The following CSMD1 variants were observed in gnomAD, a reference collection of about 807,000 sequenced individuals.
The protein encoded by CSMD1 is CUB and sushi domain-containing protein 1.
In CSMD1, 213 loss-of-function variants were observed where a neutral mutation model predicts 417.5. The ratio of observed to expected loss-of-function variants is 0.51; its 90% confidence interval spans 0.46 to 0.57. CSMD1 has a LOEUF of 0.57. CSMD1 is among the 20% of genes least tolerant of loss of function. The probability of loss-of-function intolerance (pLI) is 0.00; values close to 1 mark genes in which losing one functional copy is unlikely to be tolerated. For synonymous variants in CSMD1, 2,862 were observed against 1,736.8 expected, an observed-to-expected ratio of 1.65 and a Z score of -16.11; for missense variants, 6,923 against 4,529.7, an observed-to-expected ratio of 1.53 and a Z score of -15.17.
Position 3,308,490 on chromosome 8 carries a change from T to C in CSMD1, c.3645A>G (p.Val1215=), listed in dbSNP as rs752730776. 2 of 1,612,122 alleles carry C rather than the reference T, an allele frequency of 1.2e-6. No individual in the cohort carries two copies. Among genetic ancestry groups the C allele is most frequent in the Admixed American group, 1.7e-5 (1 of 59,880 alleles). The part of the protein sequence containing the change: ...FQLTYTSFDL[V]KCEDPGIPNY... ...TAGGGATGCCCGGATCCTCACATTT[T>C]ACCAGATCAAAACCTGCAAGAGAGA... is the stretch of plus-strand genomic sequence containing the variant. Residue 1215 remains valine (V), a synonymous_variant, in exon 24 of 70, where the codon GTA becomes GTG. Coordinates refer to ENST00000635120, the MANE Select transcript of CSMD1 (RefSeq NM_033225.6).
intron 1 of CSMD1, among the ~76,000 whole-genome samples, chr8:4,920,633 C>T (rs1034375607): frequency 2.6e-5 from 4 of 151,770 alleles, no homozygotes; most frequent in South Asian, 4.1e-4. Flanking sequence ...ACCAGCCTGA[C>T]CTACATGGTG....
chr8:4,682,968 A>G (rs765610764), intron 1 of CSMD1, among the ~76,000 whole-genome samples: 2,361 of 128,430 alleles, frequency 0.018, 37 homozygotes, highest in South Asian at 0.036. Context: ...ATATATATAT[A>G]TATATATATA....
intron 1 of CSMD1, among the ~76,000 whole-genome samples, chr8:4,972,194 G>A (rs1010593034): frequency 6.6e-6 from 1 of 152,020 alleles, no homozygotes; most frequent in African/African-American, 2.4e-5. Flanking sequence ...GAGACTTCAG[G>A]CTTAGTACAC....
At chr8:4,236,039 G>GTTTTTTTTTTTTTTTTT (rs869245155) in intron 3 of CSMD1, among the ~76,000 whole-genome samples, 23 of 31,664 alleles carry the variant, frequency 7.3e-4, no homozygotes, top group African/African-American at 1.3e-3. Flanking sequence ...TTTTTTGTTT[G>GTTTTTTTTTTTTTTTTT]TTTTTTTTTT....
At chr8:3,038,854 G>A (rs1810877665) in intron 50 of CSMD1, among the ~76,000 whole-genome samples, 2 of 152,082 alleles carry the variant, frequency 1.3e-5, no homozygotes, top group South Asian at 2.1e-4. Flanking sequence ...GGCACAGTTA[G>A]TGCCATGAGA....
chr8:4,398,926 T>A (rs1804455251), intron 3 of CSMD1, among the ~76,000 whole-genome samples: 1 of 152,188 alleles, frequency 6.6e-6, no homozygotes, highest in Admixed American at 6.5e-5. Flanking sequence ...CCATTTAAGA[T>A]GCTCCAGAAT....
intron 8 of CSMD1, among the ~76,000 whole-genome samples, chr8:3,588,524 A>G (rs191352627): frequency 5.7e-4 from 87 of 152,246 alleles, no homozygotes; most frequent in Non-Finnish European, 1.1e-3. Flanking sequence ...AGCAAGCACT[A>G]TATTTCAACG....
intron 5 of CSMD1, among the ~76,000 whole-genome samples, chr8:3,834,058 A>T (rs2129089356): frequency 6.6e-6 from 1 of 152,300 alleles, no homozygotes; most frequent in Admixed American, 6.5e-5. Flanking sequence ...AAGTTTGGTC[A>T]CTACTGAAAA....
At chr8:3,262,022 T>G (rs932952265) in intron 26 of CSMD1, among the ~76,000 whole-genome samples, 12 of 151,786 alleles carry the variant, frequency 7.9e-5, no homozygotes, top group Admixed American at 4.6e-4. Context: ...GTGCACAGGG[T>G]CTCTGTTTTA....
chr8:4,801,505 T>A (rs61740728), intron 1 of CSMD1, among the ~76,000 whole-genome samples: 1 of 152,098 alleles, frequency 6.6e-6, no homozygotes, highest in Non-Finnish European at 1.5e-5. Context: ...AAGTACTTAA[T>A]GTCATTTTGA....
chr8:4,546,393 G>A (rs1239699696), intron 2 of CSMD1, among the ~76,000 whole-genome samples: 1 of 152,164 alleles, frequency 6.6e-6, no homozygotes, highest in Non-Finnish European at 1.5e-5. Context: ...CTGTGAGGGG[G>A]TTTCTAGAAG....
chr8:3,689,835 C>G (rs974739561), intron 7 of CSMD1, among the ~76,000 whole-genome samples: 1 of 152,270 alleles, frequency 6.6e-6, no homozygotes, highest in Non-Finnish European at 1.5e-5. Context: ...AACTACTGGG[C>G]TCAGAAAGAA....
At chr8:3,536,754 G>C (rs954034805) in intron 10 of CSMD1, among the ~76,000 whole-genome samples, 1 of 152,158 alleles carries the variant, frequency 6.6e-6, no homozygotes, top group Non-Finnish European at 1.5e-5. Context: ...ATACCCAAAA[G>C]TGTCCATTGT....
intron 3 of CSMD1, among the ~76,000 whole-genome samples, chr8:4,168,162 C>T (rs894128901): frequency 1.3e-5 from 2 of 151,258 alleles, no homozygotes; most frequent in African/African-American, 2.4e-5. Context: ...CACACACACA[C>T]ACACACACAC....
intron 1 of CSMD1, among the ~76,000 whole-genome samples, chr8:4,770,030 G>T (rs931785174): frequency 1.3e-5 from 2 of 151,812 alleles, no homozygotes; most frequent in Non-Finnish European, 2.9e-5. Context: ...TGTTACTCCG[G>T]TTCCTTTCTC....
At chr8:3,256,966 G>T (rs115718532) in intron 26 of CSMD1, among the ~76,000 whole-genome samples, 2 of 152,150 alleles carry the variant, frequency 1.3e-5, no homozygotes, top group Admixed American at 1.3e-4. Flanking sequence ...ATTGAGAAGA[G>T]AAAATAAAAT....
intron 10 of CSMD1, among the ~76,000 whole-genome samples, chr8:3,539,835 C>T (rs569268078): frequency 6.6e-6 from 1 of 151,536 alleles, no homozygotes; most frequent in South Asian, 2.1e-4. Context: ...TGTTAAGGTG[C>T]CGTGGAAAAT....
At chr8:3,762,454 G>C (rs1798059166) in intron 5 of CSMD1, among the ~76,000 whole-genome samples, 1 of 152,206 alleles carries the variant, frequency 6.6e-6, no homozygotes, top group Admixed American at 6.5e-5. Flanking sequence ...TTTCAAAATA[G>C]TAATGACTTG....
intron 3 of CSMD1, among the ~76,000 whole-genome samples, chr8:4,373,866 C>T (rs1210927032): frequency 1.3e-5 from 2 of 151,962 alleles, no homozygotes; most frequent in Non-Finnish European, 2.9e-5. Flanking sequence ...ATAATTCTTT[C>T]TTTTGCTTTA....
Sources: allele counts gnomAD v4.1 joint callset (sites outside exome capture counted in the v4.1 genomes callset), GRCh38; gene constraint gnomAD v4.1.1; transcripts MANE v1.5; gene names NCBI Gene and HGNC (gene_info 2026-07-23, HGNC 2026-07-21).